Variants in NRXN3 observed in about 807,000 individuals in gnomAD.
NRXN3 encodes the protein neurexin III.
Under a neutral mutation model 137.6 loss-of-function variants are expected in NRXN3, and 32 were observed. The ratio of observed to expected loss-of-function variants is 0.23; its 90% confidence interval spans 0.18 to 0.31. NRXN3 has a LOEUF of 0.31. Ranked by LOEUF, NRXN3 falls within the 10% of genes least tolerant of loss-of-function variation. NRXN3 has a pLI of 1.00. For missense variants in NRXN3, 1,574 were observed against 2,062.5 expected, an observed-to-expected ratio of 0.76 and a Z score of 4.59; for synonymous variants, 798 against 784.5, an observed-to-expected ratio of 1.02 and a Z score of -0.29.
intron 4 of NRXN3, among the ~76,000 whole-genome samples, chr14:78,442,101 G>GA (rs56402426): frequency 7.7e-5 from 10 of 130,150 alleles, no homozygotes; most frequent in Admixed American, 2.3e-4. Context: ...GTCTCAAAAA[G>GA]AAAAAAAAAA....
At chr14:78,643,045 C>G (rs1301033822) in intron 4 of NRXN3, among the ~76,000 whole-genome samples, 2 of 152,196 alleles carry the variant, frequency 1.3e-5, no homozygotes, top group African/African-American at 4.8e-5. Flanking sequence ...AACTTGATCT[C>G]TTCTTTAACT....
intron 15 of NRXN3, among the ~76,000 whole-genome samples, chr14:79,117,211 A>G (rs377530691): frequency 2.0e-5 from 3 of 152,194 alleles, no homozygotes; most frequent in African/African-American, 7.2e-5. Context: ...TGTATATTCT[A>G]TAGTTTATCC....
intron 19 of NRXN3, among the ~76,000 whole-genome samples, chr14:79,793,610 A>G (rs2099152236): frequency 6.6e-6 from 1 of 152,214 alleles, no homozygotes; most frequent in Non-Finnish European, 1.5e-5. Flanking sequence ...GTGGAAACCA[A>G]TGCAAAATAA....
Position 79,759,732 on chromosome 14 carries a change from A to G in NRXN3, c.4015-45380A>G, listed in dbSNP as rs990965750. ...GCTTGGTAATAAAGTTATCATAAGA[A>G]TAATATGGATTATTCTCAGGATGGA... On this transcript the variant is annotated intron_variant, in intron 19 of 20. Coordinates refer to ENST00000335750, the MANE Select transcript of NRXN3 (RefSeq NM_001330195.2). Among the ~76,000 whole-genome samples, 11 of 151,864 alleles carry G rather than the reference A, an allele frequency of 7.2e-5. 1 individual carries two copies. Among genetic ancestry groups the G allele is most frequent in the Middle Eastern group, 6.8e-3 (2 of 294 alleles).
At chr14:78,289,015 A>T (rs1388573152) in intron 3 of NRXN3, among the ~76,000 whole-genome samples, 2 of 152,196 alleles carry the variant, frequency 1.3e-5, no homozygotes, top group African/African-American at 4.8e-5. Context: ...AGGACTGAAC[A>T]TGGTAGTATC....
At chr14:78,355,506 C>G (rs1291529569) in intron 4 of NRXN3, among the ~76,000 whole-genome samples, 1 of 152,202 alleles carries the variant, frequency 6.6e-6, no homozygotes, top group Non-Finnish European at 1.5e-5. Flanking sequence ...ACCTCCACCT[C>G]AAACTGGGTT....
At chr14:78,495,138 C>CGT (rs3036593) in intron 4 of NRXN3, among the ~76,000 whole-genome samples, 36,740 of 139,980 alleles carry the variant, frequency 0.26, 5,194 homozygotes, top group East Asian at 0.46. Flanking sequence ...TGTGTGCGTG[C>CGT]GTGTGTGTGT....
Position 79,569,630 on chromosome 14 carries a change from T to TGAGA in NRXN3, c.3445-94131_3445-94128dup, listed in dbSNP as rs765780227. On this transcript the variant is annotated intron_variant, in intron 16 of 20. Transcript: ENST00000335750. ...GTGTGTGTGTGTGTGTGTGTGTGTG[T>TGAGA]GAGAGAGAGAGAGAGAGAGACAGAG... Among the ~76,000 whole-genome samples the TGAGA allele has an allele frequency of 1.3e-4, 17 of 135,776 alleles. No individual in the cohort carries two copies. In the East Asian group the frequency reaches 1.7e-3, roughly 14 times the overall value. The allele number at this position is 135,776 out of a possible 152,430, so 89.1% of individuals were successfully genotyped here. A position where few individuals can be genotyped will look rare whatever the true frequency, so the allele number is the denominator to read the frequency against.
chr14:78,517,167 G>A (rs1329341495), intron 4 of NRXN3, among the ~76,000 whole-genome samples: 1 of 152,024 alleles, frequency 6.6e-6, no homozygotes, highest in East Asian at 1.9e-4. Context: ...TTCTCATGGG[G>A]TGAATGAAAA....
intron 4 of NRXN3, among the ~76,000 whole-genome samples, chr14:78,473,956 T>C (rs887431279): frequency 6.6e-6 from 1 of 152,210 alleles, no homozygotes; most frequent in African/African-American, 2.4e-5. Flanking sequence ...TACCCTGGGA[T>C]GTCACACTGT....
intron 17 of NRXN3, among the ~76,000 whole-genome samples, chr14:79,677,462 T>G (rs562172595): frequency 8.5e-5 from 13 of 152,238 alleles, no homozygotes; most frequent in Non-Finnish European, 1.6e-4. Context: ...GAAATGTCTT[T>G]AGGTTTACAA....
At chr14:79,483,793 G>A (rs755338513) in intron 16 of NRXN3, among the ~76,000 whole-genome samples, 9 of 152,092 alleles carry the variant, frequency 5.9e-5, no homozygotes, top group African/African-American at 1.4e-4. Context: ...GGGTGGGTGT[G>A]TGTGTGTGTT....
At position 79,712,102 on chromosome 14, in the gene NRXN3, A is replaced by C. The variant is rs150506995; in HGVS notation, c.4014+14165A>C. ...TAGCATCGTGAGACTTAAAATAAGA[A>C]AACAACAATAACAAAAGAAAAACAG... On this transcript the variant is annotated intron_variant, in intron 19 of 20. Transcript: ENST00000335750. Among the ~76,000 whole-genome samples, 43 of 152,354 alleles carry C rather than the reference A, an allele frequency of 2.8e-4. No individual in the cohort carries two copies. In the East Asian group the frequency reaches 6.4e-3, roughly 23 times the overall value.
chr14:78,966,367 G>A lies in NRXN3; in HGVS notation c.2738G>A (p.Gly913Asp). The A allele has an allele frequency of 3.1e-6, 5 of 1,614,086 alleles. No individual in the cohort carries two copies. Among genetic ancestry groups the A allele is most frequent in the Non-Finnish European group, 4.2e-6 (5 of 1,179,968 alleles). ...GATGGCTTCATTCTCTTCAATAGTG[G>A]TGATGGCAATGACTTCATTGCAGTC... ...SPDGFILFNS[G>D]DGNDFIAVEL... is the part of the protein sequence containing the mutation. The change falls in exon 12 of 21, where the codon GGT (glycine) becomes GAT (aspartate). Residue 913 changes from glycine (G) to aspartate (D), a missense_variant. Physicochemically the swap from Gly to Asp is moderately conservative, Grantham distance 94. Around this residue, in one of 5 missense-constraint regions of NRXN3, gnomAD observed 718 missense variants for 887.6 expected, o/e 0.81. Transcript: ENST00000335750.
intron 1 of NRXN3, among the ~76,000 whole-genome samples, chr14:78,204,233 T>C (rs1424895307): frequency 6.6e-6 from 1 of 151,704 alleles, no homozygotes; most frequent in East Asian, 1.9e-4. Context: ...CCTGGCCTAT[T>C]AGATAGGCCT....
At chr14:79,737,434 T>A (rs1603456767) in intron 19 of NRXN3, among the ~76,000 whole-genome samples, 1 of 152,240 alleles carries the variant, frequency 6.6e-6, no homozygotes, top group East Asian at 1.9e-4. Context: ...AGTCCTCTTT[T>A]TAGTAAAATG....
chr14:78,764,271 C>T (rs2098701676), intron 8 of NRXN3, among the ~76,000 whole-genome samples: 1 of 152,156 alleles, frequency 6.6e-6, no homozygotes, highest in Non-Finnish European at 1.5e-5. Context: ...TTATCGGTTG[C>T]ATGTTGCCGG....
At chr14:78,428,899 A>T (rs8020682) in intron 4 of NRXN3, among the ~76,000 whole-genome samples, 2 of 152,138 alleles carry the variant, frequency 1.3e-5, no homozygotes, top group African/African-American at 4.8e-5. Context: ...AAAACGCCCT[A>T]ACAGAAACAA....
At chr14:78,395,884 G>C (rs2091401144) in intron 4 of NRXN3, among the ~76,000 whole-genome samples, 1 of 151,746 alleles carries the variant, frequency 6.6e-6, no homozygotes, top group Admixed American at 6.6e-5. Flanking sequence ...CACTCTATTA[G>C]AATTGAATTC....
Sources: allele counts gnomAD v4.1 joint callset (sites outside exome capture counted in the v4.1 genomes callset), GRCh38; gene constraint gnomAD v4.1.1; regional missense constraint gnomAD v4.1.1; transcripts MANE v1.5; gene names NCBI Gene and HGNC (gene_info 2026-07-23, HGNC 2026-07-21).